ZUP1: variants seen among roughly 807,000 people sequenced by gnomAD.
ZUP1 encodes zinc finger containing ubiquitin peptidase 1.
ZUP1 carries 55 observed loss-of-function variants against 68.1 expected under a neutral mutation model. That is an observed-to-expected ratio of 0.81 (90% CI 0.65 to 1.01). The LOEUF (loss-of-function observed/expected upper bound fraction) is 1.01, where lower values mean the gene tolerates loss of function less well. Among genes scored for constraint, ZUP1 ranks in the 50% least tolerant of loss-of-function variants. The pLI is 0.00. For synonymous variants in ZUP1, 223 were observed against 221.5 expected, an observed-to-expected ratio of 1.01 and a Z score of -0.06; for missense variants, 684 against 674.9, an observed-to-expected ratio of 1.01 and a Z score of -0.15.
intron 4 of ZUP1, 148 bp from the exon 5 acceptor site, chr6:116,657,000 T>A: frequency 2.1e-6 from 1 of 471,262 alleles, no homozygotes. Flanking sequence ...TTACAAAAAC[T>A]AATAACACAC....
chr6:116,655,081 T>C (rs1776623949), intron 5 of ZUP1, among the ~76,000 whole-genome samples: 1 of 151,774 alleles, frequency 6.6e-6, no homozygotes, highest in Admixed American at 6.6e-5. Context: ...TTTATCAATA[T>C]GAAAACAAGA....
chr6:116,666,717 C>T lies in ZUP1; in HGVS notation c.476G>A (p.Cys159Tyr), dbSNP rs1320352759. ...TTCACTGTGCTCCTCTATTTTTCCACAGAATGGACATTCAGGAGGACTGTA... is the reference window on the plus strand; with the variant it reads ...TTCACTGTGCTCCTCTATTTTTCCATAGAATGGACATTCAGGAGGACTGTA... ...TTYSPPECPF[C>Y]GKIEEHSEDM... Residue 159 changes from cysteine to tyrosine, a missense_variant, in exon 2 of 10, where the codon TGT becomes TAT. Coordinates refer to ENST00000368576, the MANE Select transcript of ZUP1 (RefSeq NM_145062.3). The T allele has an allele frequency of 1.2e-6, 2 of 1,613,336 alleles. No homozygotes were observed. Among genetic ancestry groups the T allele is most frequent in the Admixed American group, 1.7e-5 (1 of 59,914 alleles).
At position 116,639,144 on chromosome 6, in the gene ZUP1, C is replaced by T. The variant is rs568541114; in HGVS notation, c.1690-3265G>A. 2.1e-3 allele frequency among the ~76,000 whole-genome samples: 327 copies of T among 152,354 alleles called. 1 individual carries two copies. The highest frequency in any genetic ancestry group is 7.7e-3 in the African/African-American group (319 of 41,596). On this transcript the variant is annotated intron_variant, in intron 9 of 9. Coordinates refer to ENST00000368576, the MANE Select transcript of ZUP1 (RefSeq NM_145062.3). Reference sequence around the variant, plus strand: ...GCAGCAAGGCTGCGGGAGGGGTGCCCGCCATTGCCCAGGCTCGCTTAGGTA... The same window carrying T: ...GCAGCAAGGCTGCGGGAGGGGTGCCTGCCATTGCCCAGGCTCGCTTAGGTA...
At chr6:116,645,223 G>A (rs1776253555) in intron 9 of ZUP1, among the ~76,000 whole-genome samples, 2 of 152,046 alleles carry the variant, frequency 1.3e-5, no homozygotes, top group Admixed American at 1.3e-4. Context: ...GTTCATTCCA[G>A]AAATTAAAAA....
chr6:116,642,604 G>A (rs1426001114), intron 9 of ZUP1, among the ~76,000 whole-genome samples: 5 of 152,312 alleles, frequency 3.3e-5, no homozygotes, highest in Admixed American at 1.3e-4. Context: ...TATCTCAATA[G>A]ATGCAGAAAA....
intron 2 of ZUP1, among the ~76,000 whole-genome samples, chr6:116,662,118 T>C (rs1349234684): frequency 6.6e-6 from 1 of 151,954 alleles, no homozygotes; most frequent in Non-Finnish European, 1.5e-5. Flanking sequence ...GAAAATGAAG[T>C]ATTAAGTACT....
chr6:116,645,659 T>A, intron 9 of ZUP1, 55 bp downstream of exon 9: 6 of 1,299,200 alleles, frequency 4.6e-6, no homozygotes, highest in Non-Finnish European at 6.4e-6. Context: ...CTAAAAGTTT[T>A]AAACTTTTAA....
rs150182293 is a variant in ZUP1 at position 116,652,660 on chromosome 6, T to G, written c.962-468A>C. ...ATGTTTTCATTTAAAAACTCTTGAC[T>G]TCATGAATAATAAACATATCTCATA... On this transcript the variant is annotated intron_variant, in intron 5 of 9. Transcript: ENST00000368576. 3.3e-3 allele frequency among the ~76,000 whole-genome samples: 497 copies of G among 152,270 alleles called. 13 individuals carry two copies. Among genetic ancestry groups the G allele is most frequent in the Admixed American group, 0.024 (368 of 15,292 alleles).
intron 9 of ZUP1, among the ~76,000 whole-genome samples, chr6:116,642,004 A>G (rs1341330417): frequency 1.3e-5 from 2 of 152,214 alleles, no homozygotes; most frequent in East Asian, 3.8e-4. Context: ...TAAAGGGGAT[A>G]TCACCACCGA....
intron 5 of ZUP1, among the ~76,000 whole-genome samples, chr6:116,653,265 G>A (rs1005242489): frequency 6.6e-6 from 1 of 151,854 alleles, no homozygotes; most frequent in Non-Finnish European, 1.5e-5. Context: ...GTGTCCCCAA[G>A]GTACCAGCAA....
Position 116,647,575 on chromosome 6 carries a change from G to T in ZUP1, c.1352C>A (p.Pro451His), listed in dbSNP as rs369728438. The stretch of plus-strand genomic sequence containing the variant: ...AAATAAGCGAGGGTGTGTACCCAAA[G>T]GACCAGTTGATTTGTGAAAATCAAC... ...HIVDFHKSTG[P>H]LGTHPRLFEW... The change falls in exon 8 of 10, where the codon CCT becomes CAT. Residue 451 changes from proline to histidine, a missense_variant. Pro to His is a moderately conservative substitution (Grantham distance 77). Coordinates refer to ENST00000368576, the MANE Select transcript of ZUP1 (RefSeq NM_145062.3). 1 of 1,583,646 alleles carries T rather than the reference G, an allele frequency of 6.3e-7. No individual in the cohort carries two copies. The highest frequency in any genetic ancestry group is 8.6e-7 in the Non-Finnish European group (1 of 1,159,610).
intron 8 of ZUP1, chr6:116,646,196 C>A: frequency 6.8e-6 from 2 of 295,578 alleles, no homozygotes; most frequent in South Asian, 9.1e-5. Context: ...TTTCCCAATC[C>A]TTTGATCCTT....
rs764239824 is a variant in ZUP1 at position 116,652,072 on chromosome 6, C to A, written c.1082G>T (p.Gly361Val). 19 of 1,613,904 alleles carry A rather than the reference C, an allele frequency of 1.2e-5. No individual in the cohort carries two copies. Among genetic ancestry groups the A allele is most frequent in the Middle Eastern group, 1.6e-4 (1 of 6,062 alleles). ...AAGTAGCATTTGGAAATTTCTGTAACCACAACCCCAACCTTTGTCGCCTAA... is the reference window on the plus strand; with the variant it reads ...AAGTAGCATTTGGAAATTTCTGTAAACACAACCCCAACCTTTGTCGCCTAA... ...SSLGDKGWGC[G>V]YRNFQMLLSS... Residue 361 changes from glycine (G) to valine (V), a missense_variant, in exon 6 of 10, where the codon GGT becomes GTT. Transcript: ENST00000368576.
chr6:116,663,870 C>A (rs900202824), intron 2 of ZUP1, among the ~76,000 whole-genome samples: 5 of 151,786 alleles, frequency 3.3e-5, no homozygotes, highest in Non-Finnish European at 7.4e-5. Flanking sequence ...CCACTTGAGC[C>A]CAGGAGATCA....
chr6:116,645,596 AAAAAAG>A, intron 9 of ZUP1, 112 bp downstream of exon 9: 5 of 804,346 alleles, frequency 6.2e-6, no homozygotes, highest in Non-Finnish European at 7.4e-6. Flanking sequence ...AAAAAAAAAA[AAAAAAG>A]AAAAAGAATA....
intron 5 of ZUP1, 101 bp from the exon 6 acceptor site, chr6:116,652,293 C>T (rs1776532325): frequency 4.7e-6 from 4 of 857,044 alleles, no homozygotes; most frequent in Non-Finnish European, 7.0e-6. Flanking sequence ...ATACCTAAAT[C>T]CTGTTAATTC....
In ZUP1 at chr6:116,643,170, G is replaced by A. The variant is rs185099475; in HGVS notation, c.1689+2544C>T. 7.0e-3 allele frequency among the ~76,000 whole-genome samples: 1,062 copies of A among 152,146 alleles called. 16 individuals are homozygous for A. Among genetic ancestry groups the A allele is most frequent in the African/African-American group, 0.022 (931 of 41,482 alleles). ...TCTTCAAGGAGAACTACAAACCACC[G>A]CTCAATGAAATAAAAGAGGATACAA... is the stretch of plus-strand genomic sequence containing the variant. On this transcript the variant is annotated intron_variant, in intron 9 of 9. Transcript: ENST00000368576.
At chr6:116,647,273 C>A (rs952452609) in intron 8 of ZUP1, among the ~76,000 whole-genome samples, 186 bp downstream of exon 8, 1 of 152,118 alleles carries the variant, frequency 6.6e-6, no homozygotes, top group Non-Finnish European at 1.5e-5. Context: ...GCAGGAGAAT[C>A]ACTTGAACCT....
intron 9 of ZUP1, among the ~76,000 whole-genome samples, chr6:116,642,026 T>C (rs1370471342): frequency 3.3e-5 from 5 of 152,012 alleles, no homozygotes; most frequent in African/African-American, 1.2e-4. Flanking sequence ...CCCACAGAAA[T>C]ACAAACTACC....
Sources: allele counts gnomAD v4.1 joint callset (sites outside exome capture counted in the v4.1 genomes callset), GRCh38; gene constraint gnomAD v4.1.1; transcripts MANE v1.5; gene names NCBI Gene and HGNC (gene_info 2026-07-23, HGNC 2026-07-21).